The following POLG variants were observed in gnomAD, a reference collection of about 807,000 sequenced individuals.
POLG encodes DNA polymerase subunit gamma-1.
A neutral mutation model predicts 155.4 loss-of-function variants in POLG; 110 were observed. The ratio of observed to expected loss-of-function variants is 0.71; its 90% CI spans 0.61 to 0.83. POLG has a LOEUF of 0.83. POLG is among the 40% of genes least tolerant of loss of function. POLG has a pLI of 0.00. For synonymous variants in POLG, 701 were observed against 631.5 expected (o/e 1.11, Z -1.65); for missense variants, 1,685 against 1,627.5 (o/e 1.04, Z -0.61).
In POLG at chr15:89,319,257, C is replaced by T. The variant is rs146404260; in HGVS notation, c.3075G>A (p.Leu1025=). The T allele has an allele frequency of 3.6e-5, 58 of 1,614,104 alleles. No individual in the cohort carries two copies. Among genetic ancestry groups the T allele is most frequent in the Non-Finnish European group, 4.7e-5 (56 of 1,180,054 alleles). Residue 1025 remains leucine (L), a synonymous_variant, in exon 19 of 23, where the codon CTG becomes CTA. Transcript: ENST00000268124. ...TTGCAGTTTCTCTCTGGACCTTGCG[C>T]AGATCCTGCAGGGAAATCCAGCCAC... ...TEGGWISLQD[L]RKVQRETARK...
rs1156969508 is a variant in POLG, at chr15:89,333,389, G to A, written c.366C>T (p.Asp122=). The change falls in exon 2 of 23, where the codon GAC becomes GAT. Residue 122 remains aspartate (D), a synonymous_variant. Transcript: ENST00000268124. ...AGAGGGGCGGCAGGCGCAGCTCCAC[G>A]TCGGGCAAGGGCACGGCTGGCTGCC... is the stretch of plus-strand genomic sequence containing the variant. ...LWGQPAVPLP[D]VELRLPPLYG... is the part of the protein sequence containing the mutation. The A allele has an allele frequency of 6.3e-7, 1 of 1,588,120 alleles. No homozygotes were observed. Among genetic ancestry groups the A allele is most frequent in the African/African-American group, 1.3e-5 (1 of 74,506 alleles).
chr15:89,319,357 G>A lies in POLG; in HGVS notation c.2982-7C>T, dbSNP rs1230504949. ...CTCATCCGACAGCCGATACCTGGGG[G>A]CAGTGTTATCACCATCATTCCACGG... On this transcript the variant is annotated splice_polypyrimidine_tract_variant and splice_region_variant and intron_variant, in intron 18 of 22. Transcript: ENST00000268124. The A allele has an allele frequency of 4.3e-6, 7 of 1,613,556 alleles. No homozygotes were observed. In the African/African-American group the frequency reaches 5.3e-5, roughly 12 times the overall value.
intron 13 of POLG, 29 bp from the exon 14 acceptor site, chr15:89,322,931 G>A (rs747751816): frequency 1.2e-6 from 2 of 1,608,212 alleles, no homozygotes; most frequent in Non-Finnish European, 8.5e-7. Context: ...GCAGGGGCTG[G>A]AGGCAGGTGG....
chr15:89,318,722 C>T lies in POLG; in HGVS notation c.3301G>A (p.Val1101Ile). The T allele has an allele frequency of 6.2e-7, 1 of 1,614,134 alleles. No individual in the cohort carries two copies. Among genetic ancestry groups the T allele is most frequent in the South Asian group, 1.1e-5 (1 of 91,084 alleles). The change falls in exon 21 of 23, where the codon GTA becomes ATA. Residue 1101 changes from valine (V) to isoleucine (I), a missense_variant. Transcript: ENST00000268124. ...EFMTSRVNWV[V>I]QSSAVDYLHL... ...AAGTAGTCAACAGCAGAGCTCTGTA[C>T]CACCCAATTCACACGGCTGGTCATA...
At chr15:89,320,129 T>A (rs1436132190) in intron 18 of POLG, among the ~76,000 whole-genome samples, 2 of 152,262 alleles carry the variant, frequency 1.3e-5, no homozygotes, top group African/African-American at 4.8e-5. Flanking sequence ...ATTTATCACA[T>A]ACTTAACTTT....
Position 89,324,123 on chromosome 15 carries a change from C to G in POLG, c.2054G>C (p.Ser685Thr), listed in dbSNP as rs775662032. The change falls in exon 11 of 23, where the codon AGT becomes ACT. Residue 685 changes from serine to threonine, a missense_variant. Ser to Thr is a moderately conservative substitution (Grantham distance 58). Around this residue, in one of 3 missense-constraint regions of POLG, gnomAD observed 1,210 missense variants for 1,167.1 expected, o/e 1.04. Transcript: ENST00000268124. The stretch of plus-strand genomic sequence containing the variant: ...TGCCCTCACCGTTTGCCATATGGCA[C>G]TATTGTCAGTGAGCAGGAACTCCTC... Reference protein sequence around the residue: ...LAEEFLLTDNSAIWQTVEELD... With the variant: ...LAEEFLLTDNTAIWQTVEELD... 1 of 1,613,956 alleles carries G rather than the reference C, an allele frequency of 6.2e-7. No homozygotes were observed. Among genetic ancestry groups the G allele is most frequent in the African/African-American group, 1.3e-5 (1 of 74,942 alleles).
chr15:89,325,459 C>A lies in POLG; in HGVS notation c.1940G>T (p.Cys647Phe). ...TGGGCCTAAGCCTTACCTGTAGGGG[C>A]AGACCACCCCAGCTGACTCCAGGGT... ...GTTLESAGVV[C>F]PYRAIESLYR... The change falls in exon 10 of 23, where the codon TGC becomes TTC. Residue 647 changes from cysteine to phenylalanine, a missense_variant. By Grantham distance (205) the Cys-to-Phe change is radical (BLOSUM62 -2). Transcript: ENST00000268124. The A allele has an allele frequency of 1.2e-6, 2 of 1,600,910 alleles. No homozygotes were observed. Among genetic ancestry groups the A allele is most frequent in the Non-Finnish European group, 1.7e-6 (2 of 1,177,860 alleles).
chr15:89,318,040 A>G, intron 21 of POLG: 1 of 279,486 alleles, frequency 3.6e-6, no homozygotes, highest in South Asian at 3.4e-5. Context: ...GAATTTTACT[A>G]CAAGAAAATA....
In POLG at chr15:89,316,499, T is replaced by C. The variant is rs1465751897; in HGVS notation, c.*252A>G. On this transcript the variant is annotated 3_prime_UTR_variant, in exon 23 of 23. Coordinates refer to ENST00000268124, the MANE Select transcript of POLG (RefSeq NM_002693.3). ...TTAATGTGAACTTTGGGGCTTCTGC[T>C]TCATTTTTACCCAACAAGCAACAAT... 2 of 1,577,220 alleles carry C rather than the reference T, an allele frequency of 1.3e-6. No homozygotes were observed. Among genetic ancestry groups the C allele is most frequent in the African/African-American group, 2.7e-5 (2 of 73,750 alleles).
chr15:89,317,647 A>G, intron 21 of POLG, 111 bp from the exon 22 acceptor site: 2 of 1,033,790 alleles, frequency 1.9e-6, no homozygotes, highest in Admixed American at 3.5e-5. Context: ...CTGGACCAAC[A>G]CCCCATCTGT....
At chr15:89,330,318 T>A in intron 2 of POLG, 42 bp from the exon 3 acceptor site, 1 of 1,488,292 alleles carries the variant, frequency 6.7e-7, no homozygotes, top group Non-Finnish European at 9.2e-7. Flanking sequence ...ATGGAGACAT[T>A]AAACTTCCAC....
At chr15:89,330,004 T>G in intron 3 of POLG, 77 bp downstream of exon 3, 4 of 1,225,880 alleles carry the variant, frequency 3.3e-6, no homozygotes, top group Non-Finnish European at 4.8e-6. Flanking sequence ...AGGAAAGGAG[T>G]ACCTCCCCTA....
rs139086616 is a variant in POLG at position 89,327,090 on chromosome 15, G to A, written c.1434-27C>T. 519 of 1,614,178 alleles carry A rather than the reference G, an allele frequency of 3.2e-4. 2 individuals carry two copies. The African/African-American group carries it at 4.4e-3, about 14-fold the overall frequency. ...TACAGAGCCAGTCCACTAGGGCAGG[G>A]CTAAGGCTAAGCCGAAGGCTAGGCC... is the stretch of plus-strand genomic sequence containing the variant. On this transcript the variant is annotated intron_variant, in intron 7 of 22. Transcript: ENST00000268124.
chr15:89,334,389 T>C (rs1171900966), intron 1 of POLG: 3 of 152,780 alleles, frequency 2.0e-5, no homozygotes, highest in African/African-American at 7.2e-5. Flanking sequence ...GGGCCTAGCG[T>C]CGAGAGGTGC....
At position 89,333,608 on chromosome 15, in the gene POLG, CTG is replaced by C; in HGVS notation, c.145_146del (p.Gln49AlafsTer194). ...GCTGAGGCTGCTGTTGCTGCTGCTGCTGCTGCTGCTGCTGCTGCTGCCGCCGC... is the reference window on the plus strand; with the variant it reads ...GCTGAGGCTGCTGTTGCTGCTGCTGCCTGCTGCTGCTGCTGCTGCCGCCGC... ...QRRRQQQQQQ[Q>X]QQQQQQPQQP... On this transcript the variant is annotated frameshift_variant, in exon 2 of 23. Transcript: ENST00000268124. LOFTEE classifies it high-confidence loss of function. The C allele has an allele frequency of 6.3e-7, 1 of 1,593,434 alleles. No homozygotes were observed. The highest frequency in any genetic ancestry group is 1.1e-5 in the South Asian group (1 of 89,804).
Position 89,328,679 on chromosome 15 carries a change from C to T in POLG, c.1170+6G>A, listed in dbSNP as rs749250690. 1.2e-6 allele frequency: 2 copies of T among 1,614,102 alleles called. No individual in the cohort carries two copies. The highest frequency in any genetic ancestry group is 1.7e-6 in the Non-Finnish European group (2 of 1,180,038). On this transcript the variant is annotated splice_donor_region_variant and intron_variant, in intron 5 of 22. Coordinates refer to ENST00000268124, the MANE Select transcript of POLG (RefSeq NM_002693.3). The stretch of plus-strand genomic sequence containing the variant: ...CATGTCCCCAGAGCCCCCTCCAGCA[C>T]CATACCTGGAAGTTCTCACGAATGT...
chr15:89,322,551 C>G (rs1478794855), intron 14 of POLG, among the ~76,000 whole-genome samples, 191 bp downstream of exon 14: 1 of 152,174 alleles, frequency 6.6e-6, no homozygotes, highest in East Asian at 1.9e-4. Context: ...CAGCACCATT[C>G]TTTTTACATT....
At position 89,317,405 on chromosome 15, in the gene POLG, C is replaced by G. The variant is rs772737979; in HGVS notation, c.3614G>C (p.Gly1205Ala). Residue 1205 changes from glycine (G) to alanine (A), a missense_variant, in exon 22 of 23, where the codon GGG becomes GCG. Coordinates refer to ENST00000268124, the MANE Select transcript of POLG (RefSeq NM_002693.3). ...GGGAATCCCGTATCTCCTTTCCATC[C>G]CAGTTGGGTTGGAAGGGGTTTTACA... The part of the protein sequence containing the change: ...MDCKTPSNPT[G>A]MERRYGIPQG... 2 of 1,614,120 alleles carry G rather than the reference C, an allele frequency of 1.2e-6. No individual in the cohort carries two copies. Among genetic ancestry groups the G allele is most frequent in the Admixed American group, 3.3e-5 (2 of 60,020 alleles).
rs3176183 is a variant in POLG at position 89,326,537 on chromosome 15, AC to A, written c.1712+74del. ...ATGTGCATGATGCCTCTGTGCCAGAACCCAGACCAGGGCTGTCCTGAGAATG... is the reference window on the plus strand; with the variant it reads ...ATGTGCATGATGCCTCTGTGCCAGAACCAGACCAGGGCTGTCCTGAGAATG... On this transcript the variant is annotated intron_variant, in intron 9 of 22. Transcript: ENST00000268124. 2.6e-6 allele frequency: 4 copies of A among 1,549,256 alleles called. No homozygotes were observed. The African/African-American group carries it at 5.4e-5, about 21-fold the overall frequency.
Sources: allele counts gnomAD v4.1 joint callset (sites outside exome capture counted in the v4.1 genomes callset), GRCh38; gene constraint gnomAD v4.1.1; regional missense constraint gnomAD v4.1.1; transcripts MANE v1.5; gene names NCBI Gene and HGNC (gene_info 2026-07-23, HGNC 2026-07-21).